Variants in DHPS observed in about 807,000 individuals in gnomAD.
DHPS encodes migration-inducing gene 13.
A neutral mutation model predicts 38.7 loss-of-function variants in DHPS; 24 were observed. That is an observed-to-expected ratio of 0.62 (90% CI 0.45 to 0.87). DHPS has a LOEUF of 0.87. Among genes scored for constraint, DHPS ranks in the 40% least tolerant of loss-of-function variants. DHPS has a pLI of 0.00. For missense variants in DHPS, 510 were observed against 497.6 expected, an observed-to-expected ratio of 1.02 and a Z score of -0.24; for synonymous variants, 250 against 204.4, an observed-to-expected ratio of 1.22 and a Z score of -1.90.
Position 12,681,600 on chromosome 19 carries a change from G to A in DHPS, c.167C>T (p.Ala56Val). The A allele has an allele frequency of 6.2e-7, 1 of 1,614,244 alleles. No individual in the cohort carries two copies. Among genetic ancestry groups the A allele is most frequent in the Non-Finnish European group, 8.5e-7 (1 of 1,180,042 alleles). Residue 56 changes from alanine to valine, a missense_variant, in exon 1 of 9, where the codon GCA (alanine) becomes GTA (valine). Ala to Val is a moderately conservative substitution (Grantham distance 64). Coordinates refer to ENST00000210060, the MANE Select transcript of DHPS (RefSeq NM_001930.4). ...CTGTACAGCGCGCCCGAAGTTGGTT[G>A]CTTGGAAGCCGGTGGTGCCGAAGGC... is the stretch of plus-strand genomic sequence containing the variant. ...LEAFGTTGFQ[A>V]TNFGRAVQQV...
intron 7 of DHPS, chr19:12,676,807 C>A: frequency 2.3e-6 from 1 of 437,450 alleles, no homozygotes; most frequent in Non-Finnish European, 4.3e-6. Context: ...GAGACAACCA[C>A]ATAGCTCCTG....
At chr19:12,681,340 C>T (rs948663454) in intron 1 of DHPS, 5 of 1,032,808 alleles carry the variant, frequency 4.8e-6, no homozygotes, top group Non-Finnish European at 5.4e-6. Flanking sequence ...TCAGTCCTCG[C>T]CTCCTCAGGT....
Position 12,681,855 on chromosome 19 carries a change from C to G in DHPS, c.-89G>C. ...GCGTTAAACCCCGACGCGCGCGTCT[C>G]CGCAAGAGCACAGGAAGTAGGGAAC... On this transcript the variant is annotated 5_prime_UTR_variant, in exon 1 of 9. Transcript: ENST00000210060. 1 of 1,173,308 alleles carries G rather than the reference C, an allele frequency of 8.5e-7. No individual in the cohort carries two copies. Among genetic ancestry groups the G allele is most frequent in the Non-Finnish European group, 1.2e-6 (1 of 821,050 alleles). 72.7% of individuals were successfully genotyped at this position (1,173,308 alleles called of 1,614,324 possible).
chr19:12,680,138 C>T, intron 2 of DHPS, 23 bp downstream of exon 2: 1 of 1,613,118 alleles, frequency 6.2e-7, no homozygotes, highest in Non-Finnish European at 8.5e-7. Context: ...GAGGCCAAGG[C>T]CACGGCCTCA....
In DHPS at chr19:12,680,001, T is replaced by G. The variant is rs1282780965; in HGVS notation, c.373-79A>C. On this transcript the variant is annotated intron_variant, in intron 2 of 8. Coordinates refer to ENST00000210060, the MANE Select transcript of DHPS (RefSeq NM_001930.4). ...CTGGGCAGAACTTCTAACCTCATCCTTGTCCAGTGACTCTTATGAGGGAGC... is the reference window on the plus strand; with the variant it reads ...CTGGGCAGAACTTCTAACCTCATCCGTGTCCAGTGACTCTTATGAGGGAGC... 4 of 1,566,140 alleles carry G rather than the reference T, an allele frequency of 2.6e-6. No individual in the cohort carries two copies. In the Admixed American group the frequency reaches 5.5e-5, roughly 22 times the overall value.
downstream of DHPS, among the ~76,000 whole-genome samples, chr19:12,674,196 C>T (rs1028046538): frequency 3.9e-5 from 6 of 152,320 alleles, no homozygotes; most frequent in East Asian, 3.9e-4. Context: ...AAGGGGGAGC[C>T]GACGGCCATG....
Position 12,679,469 on chromosome 19 carries a change from G to A in DHPS, c.666C>T (p.Tyr222=). The change falls in exon 5 of 9, where the codon TAC becomes TAT. Residue 222 remains tyrosine, a synonymous_variant. Coordinates refer to ENST00000210060, the MANE Select transcript of DHPS (RefSeq NM_001930.4). ...KEINNPESVY[Y]WAQKNHIPVF... ...CTTAGGTCCTCACCTTCTGGGCCCA[G>A]TAATACACGGACTCTGGGTTGTTGA... The A allele has an allele frequency of 1.9e-6, 3 of 1,614,188 alleles. No homozygotes were observed. Among genetic ancestry groups the A allele is most frequent in the Non-Finnish European group, 2.5e-6 (3 of 1,180,030 alleles).
chr19:12,677,303 C>G lies in DHPS; in HGVS notation c.772G>C (p.Asp258His). ...CCTAGCGCCTCACCCTCAACGATGT[C>G]CAGGACCAGGCCCGGGTTCTTGTAG... is the stretch of plus-strand genomic sequence containing the variant. ...HSYKNPGLVL[D>H]IVEDLRLINT... The change falls in exon 6 of 9, where the codon GAC (aspartate) becomes CAC (histidine). Residue 258 changes from aspartate to histidine, a missense_variant. Coordinates refer to ENST00000210060, the MANE Select transcript of DHPS (RefSeq NM_001930.4). The G allele has an allele frequency of 6.2e-7, 1 of 1,614,218 alleles. No homozygotes were observed. The highest frequency in any genetic ancestry group is 1.1e-5 in the South Asian group (1 of 91,082).
chr19:12,675,184 T>C (rs113702355), downstream of DHPS, among the ~76,000 whole-genome samples: 79 of 152,140 alleles, frequency 5.2e-4, no homozygotes, highest in Non-Finnish European at 9.7e-4. Context: ...CCTAGCACTT[T>C]GGGAGGCCAA....
At chr19:12,676,729 T>C in intron 7 of DHPS, 1 of 290,930 alleles carries the variant, frequency 3.4e-6, no homozygotes, top group Non-Finnish European at 6.8e-6. Flanking sequence ...CAATGGCTGT[T>C]CCCTCTCCTG....
downstream of DHPS, chr19:12,672,846 G>C: frequency 6.3e-7 from 1 of 1,579,578 alleles, no homozygotes; most frequent in Non-Finnish European, 8.6e-7. Flanking sequence ...CTCTCCTGCA[G>C]CTCCGTGGAT....
intron 2 of DHPS, 90 bp from the exon 3 acceptor site, chr19:12,680,012 C>T (rs1351316882): frequency 1.3e-6 from 2 of 1,561,880 alleles, no homozygotes; most frequent in African/African-American, 1.4e-5. Context: ...TGTCCAGTGA[C>T]TCTTATGAGG....
downstream of DHPS, chr19:12,672,964 C>A (rs1220084968): frequency 1.3e-6 from 2 of 1,597,080 alleles, no homozygotes; most frequent in African/African-American, 2.7e-5. Flanking sequence ...GGGGGCCAAC[C>A]AGGGGCACCC....
rs1460079530 is a variant in DHPS at position 12,675,827 on chromosome 19, A to ACCGCAG, written c.*5_*10dup. On this transcript the variant is annotated 3_prime_UTR_variant, in exon 9 of 9. Coordinates refer to ENST00000210060, the MANE Select transcript of DHPS (RefSeq NM_001930.4). ...GAAGAGGGGGTAAGACCTTCCTGGG[A>ACCGCAG]CCGCAGCCGCTCAGTCCTCGTTCTT... 6.3e-7 allele frequency: 1 copy of ACCGCAG among 1,580,626 alleles called. No individual in the cohort carries two copies. The highest frequency in any genetic ancestry group is 8.6e-7 in the Non-Finnish European group (1 of 1,161,654).
In DHPS at chr19:12,681,824, A is replaced by C. The variant is rs1599387404; in HGVS notation, c.-58T>G. The C allele has an allele frequency of 9.9e-6, 15 of 1,514,400 alleles. No homozygotes were observed. Among genetic ancestry groups the C allele is most frequent in the African/African-American group, 1.4e-5 (1 of 73,088 alleles). 93.8% of individuals were successfully genotyped at this position (1,514,400 alleles called of 1,614,324 possible). A position where few individuals can be genotyped will look rare whatever the true frequency, so the allele number is the denominator to read the frequency against. ...CCCTAGGCCGGGCTTACGGCGGCCC[A>C]GAAACGCGTTAAACCCCGACGCGCG... On this transcript the variant is annotated 5_prime_UTR_variant, in exon 1 of 9. Transcript: ENST00000210060.
At position 12,681,865 on chromosome 19, in the gene DHPS, A is replaced by T. The variant is rs1232488355; in HGVS notation, c.-99T>A. 2.1e-5 allele frequency: 23 copies of T among 1,080,114 alleles called. No homozygotes were observed. Among genetic ancestry groups the T allele is most frequent in the Non-Finnish European group, 2.3e-5 (17 of 743,496 alleles). The allele number at this position is 1,080,114 out of a possible 1,614,324, so 66.9% of individuals were successfully genotyped here. A position where few individuals can be genotyped will look rare whatever the true frequency, so the allele number is the denominator to read the frequency against. On this transcript the variant is annotated 5_prime_UTR_variant, in exon 1 of 9. Transcript: ENST00000210060. ...CCGACGCGCGCGTCTCCGCAAGAGC[A>T]CAGGAAGTAGGGAACGTGCTTTGGG...
At chr19:12,680,355 A>C in intron 1 of DHPS, 30 bp from the exon 2 acceptor site, 1 of 1,613,014 alleles carries the variant, frequency 6.2e-7, no homozygotes, top group Non-Finnish European at 8.5e-7. Context: ...CAAGTTAAGC[A>C]CTGGCCTTAA....
At chr19:12,672,918 A>G (rs752090373), downstream of DHPS, 1 of 1,599,790 alleles carries the variant, frequency 6.3e-7, no homozygotes, top group Non-Finnish European at 8.5e-7. Context: ...GTGGGCAGTG[A>G]GTGTGGCTGG....
downstream of DHPS, chr19:12,673,072 C>T (rs758266932): frequency 6.8e-6 from 11 of 1,613,568 alleles, no homozygotes; most frequent in African/African-American, 4.0e-5. Flanking sequence ...GCCTGGACTC[C>T]ACATTGCGGC....
Sources: gnomAD v4.1 joint callset for allele counts (sites outside exome capture counted in the v4.1 genomes callset) on GRCh38, gnomAD v4.1.1 for gene constraint, MANE v1.5 for transcripts, NCBI Gene and HGNC (gene_info 2026-07-23, HGNC 2026-07-21) for gene names.